APP: variants seen among roughly 807,000 people sequenced by gnomAD.
The protein encoded by APP is amyloid beta precursor protein.
A neutral mutation model predicts 101.4 loss-of-function variants in APP; 31 were observed. That is an observed-to-expected ratio of 0.31 (90% CI 0.23 to 0.41). The LOEUF (loss-of-function observed/expected upper bound fraction) is 0.41, where lower values mean the gene tolerates loss of function less well. Among genes scored for constraint, APP ranks in the 10% least tolerant of loss-of-function variants. The pLI is 1.00. For missense variants in APP, 839 were observed against 1,003.7 expected (o/e 0.84, Z 2.22); for synonymous variants, 366 against 364.4 (o/e 1.00, Z -0.05).
chr21:26,140,297 G>T lies in APP; in HGVS notation c.58-28151C>A, dbSNP rs2063015361. On this transcript the variant is annotated intron_variant, in intron 1 of 17. Transcript: ENST00000346798. ...CTGTTAACTGCAGTGACCACAACTT[G>T]ACCCAGGCCAGAGCTTCCATCCTCG... 7.8e-6 allele frequency: 12 copies of T among 1,533,936 alleles called. No homozygotes were observed. In the South Asian group the frequency reaches 1.4e-4, roughly 18 times the overall value.
intron 13 of APP, among the ~76,000 whole-genome samples, chr21:25,930,586 TTATATA>T (rs34986093): frequency 6.7e-6 from 1 of 150,058 alleles, no homozygotes; most frequent in Admixed American, 6.7e-5. Context: ...ATAGCACAAA[TTATATA>T]TATATATATA....
intron 16 of APP, among the ~76,000 whole-genome samples, chr21:25,894,401 C>A (rs2037895289): frequency 6.6e-6 from 1 of 152,166 alleles, no homozygotes. Flanking sequence ...AAACTGCAAA[C>A]CTTCTAAAAA....
In APP at chr21:26,075,602, G is replaced by C. The variant is rs115056356; in HGVS notation, c.355+14341C>G. The stretch of plus-strand genomic sequence containing the variant: ...ATAAAAAGCTATATCCTGATGCCCA[G>C]AATTTACAGCGTAACAAGGACTAAG... On this transcript the variant is annotated intron_variant, in intron 3 of 17. Coordinates refer to ENST00000346798, the MANE Select transcript of APP (RefSeq NM_000484.4). Among the ~76,000 whole-genome samples, 247 of 152,270 alleles carry C rather than the reference G, an allele frequency of 1.6e-3. 2 individuals are homozygous for C. The highest frequency in any genetic ancestry group is 5.6e-3 in the African/African-American group (231 of 41,558).
At chr21:25,993,080 G>T (rs2042931658) in intron 8 of APP, among the ~76,000 whole-genome samples, 1 of 152,126 alleles carries the variant, frequency 6.6e-6, no homozygotes. Context: ...AGTTTTCTAC[G>T]ATTTGAAAAT....
intron 17 of APP, among the ~76,000 whole-genome samples, chr21:25,886,178 AAAAAT>A (rs1466448352): frequency 6.6e-6 from 1 of 152,156 alleles, no homozygotes; most frequent in Non-Finnish European, 1.5e-5. Context: ...TGCGGAAAAA[AAAAAT>A]AAAAGCAAAG....
At chr21:25,949,459 A>G (rs1223400144) in intron 13 of APP, among the ~76,000 whole-genome samples, 1 of 152,222 alleles carries the variant, frequency 6.6e-6, no homozygotes, top group Non-Finnish European at 1.5e-5. Flanking sequence ...GCTGTGGCCT[A>G]GGAAAGAAAT....
chr21:26,059,067 C>T (rs892965900), intron 3 of APP, among the ~76,000 whole-genome samples: 11 of 145,854 alleles, frequency 7.5e-5, no homozygotes, highest in Admixed American at 4.8e-4. Flanking sequence ...GGCGACAGAG[C>T]GAGACTCCGT....
chr21:26,036,144 C>A (rs540903523), intron 5 of APP, among the ~76,000 whole-genome samples: 1 of 151,882 alleles, frequency 6.6e-6, no homozygotes, highest in African/African-American at 2.4e-5. Flanking sequence ...TCAGGAAGAG[C>A]GAGCCAGAAA....
intron 13 of APP, among the ~76,000 whole-genome samples, chr21:25,918,715 G>C (rs983785615): frequency 9.2e-5 from 14 of 151,724 alleles, no homozygotes; most frequent in African/African-American, 3.4e-4. Flanking sequence ...TCCCACACCT[G>C]GCTCGGAGGG....
intron 2 of APP, among the ~76,000 whole-genome samples, chr21:26,095,420 T>C (rs1443794409): frequency 6.6e-6 from 1 of 152,198 alleles, no homozygotes; most frequent in Non-Finnish European, 1.5e-5. Context: ...ATCACAGCGC[T>C]TGTGTTCAAG....
intron 1 of APP, among the ~76,000 whole-genome samples, chr21:26,169,769 C>T (rs757088929): frequency 3.3e-5 from 5 of 152,238 alleles, no homozygotes; most frequent in Non-Finnish European, 5.9e-5. Flanking sequence ...TCCCGCGGAC[C>T]TTCTGCCTCT....
chr21:25,990,521 C>T (rs1259141295), intron 8 of APP, among the ~76,000 whole-genome samples: 1 of 152,086 alleles, frequency 6.6e-6, no homozygotes, highest in East Asian at 1.9e-4. Context: ...TTCTTGACTT[C>T]GTTAATGGAG....
chr21:25,893,782 T>C (rs957473928), intron 16 of APP, among the ~76,000 whole-genome samples: 2 of 152,212 alleles, frequency 1.3e-5, no homozygotes, highest in African/African-American at 2.4e-5. Flanking sequence ...CAATAAGTTA[T>C]CCAGAAGATC....
At position 25,964,987 on chromosome 21, in the gene APP, CCA is replaced by C. The variant is rs143433728; in HGVS notation, c.1459-9234_1459-9233del. On this transcript the variant is annotated intron_variant, in intron 11 of 17. Coordinates refer to ENST00000346798, the MANE Select transcript of APP (RefSeq NM_000484.4). ...AAATAATTTATTTTGGTTGTTCAGA[CCA>C]CAGTCATAAATTAGTGAAGGCAGCA... Among the ~76,000 whole-genome samples, 1,431 of 152,232 alleles carry C rather than the reference CCA, an allele frequency of 9.4e-3. 16 individuals are homozygous for C. The highest frequency in any genetic ancestry group is 0.032 in the African/African-American group (1,312 of 41,516).
chr21:25,918,191 G>A (rs1187187306), intron 13 of APP, among the ~76,000 whole-genome samples: 2 of 152,174 alleles, frequency 1.3e-5, no homozygotes, highest in Non-Finnish European at 2.9e-5. Flanking sequence ...TATACCCAAA[G>A]GATTATAAAT....
chr21:26,168,776 T>C (rs569737345), intron 1 of APP, among the ~76,000 whole-genome samples: 3 of 152,312 alleles, frequency 2.0e-5, no homozygotes, highest in East Asian at 3.9e-4. Context: ...TTTTAAAACA[T>C]GGAAAACGAA....
intron 3 of APP, among the ~76,000 whole-genome samples, chr21:26,062,635 C>T (rs978518477): frequency 6.8e-6 from 1 of 146,428 alleles, no homozygotes; most frequent in Non-Finnish European, 1.5e-5. Context: ...GCACTCCAGC[C>T]TGGGTGACAG....
At position 26,014,282 on chromosome 21, in the gene APP, G is replaced by A. The variant is rs1395377302; in HGVS notation, c.865+7558C>T. Among the ~76,000 whole-genome samples the A allele has an allele frequency of 4.6e-5, 7 of 152,118 alleles. No homozygotes were observed. In the East Asian group the frequency reaches 5.8e-4, roughly 13 times the overall value. On this transcript the variant is annotated intron_variant, in intron 6 of 17. Transcript: ENST00000346798. Reference sequence around the variant, plus strand: ...AATATTAATCATAAGTAAAAATCCCGTTAGTGAATTATAGGATACCTTGTA... The same window carrying A: ...AATATTAATCATAAGTAAAAATCCCATTAGTGAATTATAGGATACCTTGTA...
rs113210914 is a variant in APP at position 25,918,044 on chromosome 21, G to A, written c.1688-6082C>T. Among the ~76,000 whole-genome samples the A allele has an allele frequency of 4.1e-3, 622 of 152,302 alleles. 5 individuals carry two copies. Among genetic ancestry groups the A allele is most frequent in the African/African-American group, 0.014 (581 of 41,574 alleles). ...AAGTCTGGCAACAACAGATGCTGGCGAGGATGCGGAGAAATAGGCACGCTT... is the reference window on the plus strand; with the variant it reads ...AAGTCTGGCAACAACAGATGCTGGCAAGGATGCGGAGAAATAGGCACGCTT... On this transcript the variant is annotated intron_variant, in intron 13 of 17. Transcript: ENST00000346798.
Sources: allele counts gnomAD v4.1 joint callset (sites outside exome capture counted in the v4.1 genomes callset), GRCh38; gene constraint gnomAD v4.1.1; transcripts MANE v1.5; gene names NCBI Gene and HGNC (gene_info 2026-07-23, HGNC 2026-07-21).